The following ST7 variants were observed in gnomAD, a reference collection of about 807,000 sequenced individuals.
ST7 encodes suppressor of tumorigenicity 7 protein.
A neutral mutation model predicts 78.7 loss-of-function variants in ST7; 28 were observed. The observed-to-expected ratio is 0.36, with a 90% confidence interval of 0.26 to 0.49. The LOEUF (loss-of-function observed/expected upper bound fraction) is 0.49. ST7 is among the 20% of genes least tolerant of loss of function. ST7 has a pLI of 0.99. For missense variants in ST7, 418 were observed against 696.0 expected (o/e 0.60, Z 4.49); for synonymous variants, 247 against 249.6 (o/e 0.99, Z 0.10).
At chr7:116,969,920 A>G (rs918383744) in intron 1 of ST7, among the ~76,000 whole-genome samples, 2 of 152,152 alleles carry the variant, frequency 1.3e-5, no homozygotes, top group Non-Finnish European at 2.9e-5. Flanking sequence ...TAGTAAAAAT[A>G]CAAAATTAGC....
chr7:117,038,818 GC>G (rs1408075774), intron 1 of ST7, among the ~76,000 whole-genome samples: 1 of 152,096 alleles, frequency 6.6e-6, no homozygotes, highest in Admixed American at 6.6e-5. Context: ...AAAGCAGAGT[GC>G]CCTGCTCAAG....
At position 117,176,550 on chromosome 7, in the gene ST7, C is replaced by T. The variant is rs557800189; in HGVS notation, c.1078+5574C>T. ...AGCATGTAGTTATAACTAAAAATTTCGTAAACCTTGCTTATTTCCCAAGGC... is the reference window on the plus strand; with the variant it reads ...AGCATGTAGTTATAACTAAAAATTTTGTAAACCTTGCTTATTTCCCAAGGC... On this transcript the variant is annotated intron_variant, in intron 10 of 15. Transcript: ENST00000323984. Among the ~76,000 whole-genome samples, 7 of 152,250 alleles carry T rather than the reference C, an allele frequency of 4.6e-5. No homozygotes were observed. The East Asian group carries it at 5.8e-4, about 13-fold the overall frequency.
At chr7:117,048,578 T>G (rs1797608233) in intron 1 of ST7, among the ~76,000 whole-genome samples, 1 of 152,190 alleles carries the variant, frequency 6.6e-6, no homozygotes, top group Admixed American at 6.5e-5. Context: ...GATCCATATC[T>G]TGAAACCCTT....
At chr7:116,977,759 G>A (rs1380754753) in intron 1 of ST7, among the ~76,000 whole-genome samples, 2 of 152,104 alleles carry the variant, frequency 1.3e-5, no homozygotes, top group African/African-American at 4.8e-5. Context: ...TCACCATGTT[G>A]GTCAGGATGG....
chr7:117,074,323 G>A (rs567260976), intron 1 of ST7, among the ~76,000 whole-genome samples: 6 of 152,212 alleles, frequency 3.9e-5, no homozygotes, highest in African/African-American at 4.8e-5. Context: ...CCCAGGAGGC[G>A]GAGGTTGCAG....
chr7:116,976,280 C>A (rs1233820817), intron 1 of ST7, among the ~76,000 whole-genome samples: 1 of 151,986 alleles, frequency 6.6e-6, no homozygotes, highest in African/African-American at 2.4e-5. Context: ...ACAATAACAA[C>A]AACAACAACA....
At position 117,100,505 on chromosome 7, in the gene ST7, G is replaced by T. The variant is rs192658732; in HGVS notation, c.234+661G>T. 1.1e-4 allele frequency among the ~76,000 whole-genome samples: 17 copies of T among 151,920 alleles called. No homozygotes were observed. In the East Asian group the frequency reaches 2.9e-3, roughly 26 times the overall value. On this transcript the variant is annotated intron_variant, in intron 2 of 15. Transcript: ENST00000323984. Reference sequence around the variant, plus strand: ...ACAAACAAAACCAACGATCAAAATGGAATATTGTACAAAATCAAGATCAAT... The same window carrying T: ...ACAAACAAAACCAACGATCAAAATGTAATATTGTACAAAATCAAGATCAAT...
At chr7:117,192,304 CT>C (rs1809854161) in intron 12 of ST7, among the ~76,000 whole-genome samples, 1 of 152,132 alleles carries the variant, frequency 6.6e-6, no homozygotes. Context: ...AAATAAGGCT[CT>C]TTTAGAAGTA....
rs539830758 is a variant in ST7 at position 117,132,075 on chromosome 7, G to C, written c.641+115G>C. 1.2e-4 allele frequency: 130 copies of C among 1,087,350 alleles called. No homozygotes were observed. In the East Asian group the frequency reaches 3.1e-3, roughly 26 times the overall value. 67.4% of individuals were successfully genotyped at this position (1,087,350 alleles called of 1,614,324 possible). A position where few individuals can be genotyped will look rare whatever the true frequency, so the allele number is the denominator to read the frequency against. ...CTGCATTTGAACTGGAGGATTATTT[G>C]GGGAGTTATTACTCTATTTAAAAAA... is the stretch of plus-strand genomic sequence containing the variant. On this transcript the variant is annotated intron_variant, in intron 6 of 15. Coordinates refer to ENST00000323984, the MANE Select transcript of ST7 (RefSeq NM_001369598.1).
intron 1 of ST7, among the ~76,000 whole-genome samples, chr7:116,970,734 T>C (rs1585064456): frequency 6.6e-6 from 1 of 152,186 alleles, no homozygotes; most frequent in East Asian, 1.9e-4. Flanking sequence ...GACTGATTGT[T>C]GTAGGTTGTG....
At chr7:117,025,330 T>C (rs1273845692) in intron 1 of ST7, among the ~76,000 whole-genome samples, 2 of 152,224 alleles carry the variant, frequency 1.3e-5, no homozygotes, top group African/African-American at 4.8e-5. Flanking sequence ...TGTCAGAGAC[T>C]GCTGTTTTTG....
intron 1 of ST7, among the ~76,000 whole-genome samples, chr7:117,083,752 T>C (rs1047260271): frequency 2.2e-4 from 34 of 152,194 alleles, no homozygotes; most frequent in Non-Finnish European, 1.3e-4. Flanking sequence ...CTCTTAATTC[T>C]CAAGAAAGAA....
At chr7:117,095,753 A>G (rs1282232987) in intron 1 of ST7, among the ~76,000 whole-genome samples, 1 of 152,146 alleles carries the variant, frequency 6.6e-6, no homozygotes, top group Non-Finnish European at 1.5e-5. Context: ...TATGGAGGTG[A>G]CCTTGATGTG....
chr7:117,106,711 C>T (rs1369686092), intron 2 of ST7, among the ~76,000 whole-genome samples: 1 of 148,902 alleles, frequency 6.7e-6, no homozygotes, highest in Admixed American at 6.9e-5. Context: ...ATCTCTGTCT[C>T]CCGGGTTCAC....
At chr7:117,151,972 T>G (rs1209929108) in intron 9 of ST7, among the ~76,000 whole-genome samples, 1 of 151,090 alleles carries the variant, frequency 6.6e-6, no homozygotes, top group Non-Finnish European at 1.5e-5. Flanking sequence ...ATACAAAAAT[T>G]AGCCGGTGTG....
rs1175350775 is a variant in ST7, at chr7:117,219,192, C to T, written c.1498+16C>T. On this transcript the variant is annotated intron_variant, in intron 14 of 15. Transcript: ENST00000323984. This position sits in a 1 kb window ranked among gnomAD's most constrained non-coding sequence, Gnocchi z 5.1. ...CTGCTTCCATGTAAGTCTCACCTCT[C>T]TTCAGCCAGTGAGGGTGTGTGGTGA... 1 of 1,602,112 alleles carries T rather than the reference C, an allele frequency of 6.2e-7. No homozygotes were observed. Among genetic ancestry groups the T allele is most frequent in the African/African-American group, 1.3e-5 (1 of 74,686 alleles).
intron 2 of ST7, among the ~76,000 whole-genome samples, chr7:117,118,700 A>T (rs1803110899): frequency 6.6e-6 from 1 of 152,108 alleles, no homozygotes; most frequent in South Asian, 2.1e-4. Flanking sequence ...AGAGAAAAAG[A>T]TGTGGGGGAG....
intron 1 of ST7, among the ~76,000 whole-genome samples, chr7:116,994,466 AACTG>A (rs1475780707): frequency 1.3e-5 from 2 of 152,228 alleles, no homozygotes; most frequent in Non-Finnish European, 2.9e-5. Flanking sequence ...TATAATGTTT[AACTG>A]ACCGGTGATT....
intron 9 of ST7, among the ~76,000 whole-genome samples, chr7:117,143,886 A>AT (rs1271590719): frequency 6.6e-6 from 1 of 152,148 alleles, no homozygotes; most frequent in Non-Finnish European, 1.5e-5. Flanking sequence ...ATTTGATTCC[A>AT]TTTTTTCAAT....
Sources: allele counts gnomAD v4.1 joint callset (sites outside exome capture counted in the v4.1 genomes callset), GRCh38; gene constraint gnomAD v4.1.1; non-coding constraint Gnocchi (gnomAD v3.1); transcripts MANE v1.5; gene names NCBI Gene and HGNC (gene_info 2026-07-23, HGNC 2026-07-21).